The following ZNF45 variants were observed in gnomAD, a reference collection of about 807,000 sequenced individuals.
ZNF45 encodes the protein BRC1744.
ZNF45 carries 4 observed loss-of-function variants against 12.0 expected under a neutral mutation model. The ratio of observed to expected loss-of-function variants is 0.33; its 90% CI spans 0.16 to 0.76. The LOEUF is 0.76. ZNF45 is among the 30% of genes least tolerant of loss of function. The probability of loss-of-function intolerance (pLI) is 0.60; values close to 1 mark genes in which losing one functional copy is unlikely to be tolerated. For synonymous variants in ZNF45, 272 were observed against 279.6 expected, an observed-to-expected ratio of 0.97 and a Z score of 0.27; for missense variants, 700 against 813.0, an observed-to-expected ratio of 0.86 and a Z score of 1.69.
chr19:43,915,033 G>A lies in ZNF45; in HGVS notation c.403C>T (p.Arg135Ter), dbSNP rs1301515908. The change falls in exon 10 of 10, where the codon CGA (arginine) becomes TGA (stop). Residue 135 changes from arginine (R) to a stop codon, truncating the protein, a stop_gained. Coordinates refer to ENST00000269973, the MANE Select transcript of ZNF45 (RefSeq NM_003425.4). LOFTEE classifies it low-confidence loss of function (END_TRUNC). ...IQRTGCQLEK[R>*]DDLHYKDEGF... ...TCATCTTTATAGTGCAAATCATCTCGTTTTTCCAACTGGCAGCCTGTTCTT... is the reference window on the plus strand; with the variant it reads ...TCATCTTTATAGTGCAAATCATCTCATTTTTCCAACTGGCAGCCTGTTCTT... 1.9e-6 allele frequency: 3 copies of A among 1,610,666 alleles called. No homozygotes were observed. The highest frequency in any genetic ancestry group is 8.5e-7 in the Non-Finnish European group (1 of 1,178,508).
chr19:43,933,286 T>C (rs1239282969), intron 2 of ZNF45, among the ~76,000 whole-genome samples: 2 of 152,046 alleles, frequency 1.3e-5, no homozygotes, highest in African/African-American at 2.4e-5. Context: ...CTGGCCAACA[T>C]GGAGAAACCC....
intron 9 of ZNF45, among the ~76,000 whole-genome samples, chr19:43,917,698 C>T (rs1455249719): frequency 6.6e-6 from 1 of 152,114 alleles, no homozygotes; most frequent in Non-Finnish European, 1.5e-5. Flanking sequence ...GTTGGCCAGG[C>T]TGGTCTGGAA....
intron 6 of ZNF45, among the ~76,000 whole-genome samples, chr19:43,922,818 TTG>T (rs1973301185): frequency 3.3e-5 from 4 of 120,820 alleles, no homozygotes; most frequent in South Asian, 5.6e-4. Flanking sequence ...AATAAATTCT[TTG>T]TTTTTTTTTT....
At chr19:43,923,326 G>GT (rs1973367037) in intron 6 of ZNF45, among the ~76,000 whole-genome samples, 2 of 152,092 alleles carry the variant, frequency 1.3e-5, no homozygotes, top group South Asian at 4.1e-4. Flanking sequence ...CCAAAAATAG[G>GT]TGAGTACAGT....
Position 43,914,360 on chromosome 19 carries a change from G to A in ZNF45, c.1076C>T (p.Pro359Leu), listed in dbSNP as rs751637970. 8.7e-6 allele frequency: 14 copies of A among 1,612,984 alleles called. No homozygotes were observed. The Admixed American group carries it at 2.3e-4, about 27-fold the overall frequency. Residue 359 changes from proline (P) to leucine (L), a missense_variant, in exon 10 of 10, where the codon CCC becomes CTC. Coordinates refer to ENST00000269973, the MANE Select transcript of ZNF45 (RefSeq NM_003425.4). ...TTTCCCACACTCCTCACACTTATAG[G>A]GTTTCTCTCCTGTGTGGATTCTACA... ...IHCRIHTGEK[P>L]YKCEECGKGF...
chr19:43,921,294 T>C (rs545730061), intron 7 of ZNF45, among the ~76,000 whole-genome samples: 4 of 152,348 alleles, frequency 2.6e-5, no homozygotes, highest in South Asian at 2.1e-4. Context: ...GTTTGAGGAA[T>C]AAATACAGTA....
intron 6 of ZNF45, among the ~76,000 whole-genome samples, chr19:43,923,097 A>G (rs962726080): frequency 1.3e-5 from 2 of 152,178 alleles, no homozygotes; most frequent in African/African-American, 4.8e-5. Flanking sequence ...AAGTGCTGGG[A>G]TTACAGGTGT....
At position 43,934,648 on chromosome 19, in the gene ZNF45, CTT is replaced by C. The variant is rs1974374684; in HGVS notation, c.-711_-710del. The C allele has an allele frequency of 6.6e-6, 1 of 152,166 alleles. No homozygotes were observed. The highest frequency in any genetic ancestry group is 2.1e-4 in the South Asian group (1 of 4,832). The allele number at this position is 152,166 out of a possible 1,614,324, so 9.4% of individuals were successfully genotyped here. On this transcript the variant is annotated 5_prime_UTR_variant, in exon 2 of 10. An upstream open reading frame in the 5' UTR gains an earlier in-frame stop. Coordinates refer to ENST00000269973, the MANE Select transcript of ZNF45 (RefSeq NM_003425.4). ...GACGCCACCTGTTGAGTGATGCACT[CTT>C]TCTTAAAAAACGGGTCAGGCATAGT...
Position 43,914,470 on chromosome 19 carries a change from A to G in ZNF45, c.966T>C (p.His322=), listed in dbSNP as rs527676262. 6.2e-7 allele frequency: 1 copy of G among 1,613,028 alleles called. No homozygotes were observed. Among genetic ancestry groups the G allele is most frequent in the African/African-American group, 1.3e-5 (1 of 75,020 alleles). The part of the protein sequence containing the change: ...SFSWRSRLQA[H]ERIHTGEKPY... Reference sequence around the variant, plus strand: ...GTTTCTCGCCAGTGTGGATTCGCTCATGAGCCTGCAGTCGTGAACGCCAAC... The same window carrying G: ...GTTTCTCGCCAGTGTGGATTCGCTCGTGAGCCTGCAGTCGTGAACGCCAAC... The change falls in exon 10 of 10, where the codon CAT becomes CAC. Residue 322 remains histidine, a synonymous_variant. Transcript: ENST00000269973.
rs1430824112 is a variant in ZNF45 at position 43,913,957 on chromosome 19, G to T, written c.1479C>A (p.Ile493=). ...RSSDLNVHCR[I]HTGEKPYKCE... is the part of the protein sequence containing the mutation. ...ATTTATAGGGTTTCTCTCCTGTGTGGATTCTACAGTGTACATTAAGATCTG... is the reference window on the plus strand; with the variant it reads ...ATTTATAGGGTTTCTCTCCTGTGTGTATTCTACAGTGTACATTAAGATCTG... Residue 493 remains isoleucine (I), a synonymous_variant, in exon 10 of 10, where the codon ATC becomes ATA. Transcript: ENST00000269973. 6.2e-7 allele frequency: 1 copy of T among 1,602,964 alleles called. No individual in the cohort carries two copies. Among genetic ancestry groups the T allele is most frequent in the Admixed American group, 1.7e-5 (1 of 59,204 alleles).
chr19:43,931,249 T>C (rs1357337706), intron 3 of ZNF45: 2 of 152,134 alleles, frequency 1.3e-5, no homozygotes, highest in Non-Finnish European at 2.9e-5. Flanking sequence ...AAATATACCT[T>C]TGAGGCTGGG....
At chr19:43,925,112 G>A (rs1416056928) in intron 4 of ZNF45, 1 of 152,210 alleles carries the variant, frequency 6.6e-6, no homozygotes, top group African/African-American at 2.4e-5. Flanking sequence ...AGAAAAGCAA[G>A]TAACCTAGCT....
At chr19:43,934,224 C>T (rs1974349571) in intron 2 of ZNF45, among the ~76,000 whole-genome samples, 1 of 152,120 alleles carries the variant, frequency 6.6e-6, no homozygotes, top group Admixed American at 6.5e-5. Context: ...TATCACAATA[C>T]CCACATCACC....
chr19:43,917,255 T>C (rs1399092995), intron 9 of ZNF45, among the ~76,000 whole-genome samples: 1 of 152,176 alleles, frequency 6.6e-6, no homozygotes, highest in South Asian at 2.1e-4. Flanking sequence ...ATGTGAATGT[T>C]TGTATTTATG....
chr19:43,921,066 G>C (rs1389353814), intron 7 of ZNF45, among the ~76,000 whole-genome samples: 1 of 152,112 alleles, frequency 6.6e-6, no homozygotes, highest in African/African-American at 2.4e-5. Context: ...CACTAACCAG[G>C]ACAAGCTAGG....
intron 3 of ZNF45, among the ~76,000 whole-genome samples, chr19:43,931,033 T>C (rs1246919203): frequency 1.3e-5 from 2 of 152,016 alleles, no homozygotes; most frequent in Admixed American, 6.6e-5. Context: ...GGCTACACTA[T>C]TGGATAGTGC....
chr19:43,914,510 C>T lies in ZNF45; in HGVS notation c.926G>A (p.Cys309Tyr). 1 of 1,613,176 alleles carries T rather than the reference C, an allele frequency of 6.2e-7. No individual in the cohort carries two copies. The change falls in exon 10 of 10, where the codon TGT (cysteine) becomes TAT (tyrosine). Residue 309 changes from cysteine (C) to tyrosine (Y), a missense_variant. Transcript: ENST00000269973. ...TGKKPYKCEE[C>Y]GKSFSWRSRL... ...TGAACGCCAACTGAAGCTCTTCCCACACTCTTCACACTTATATGGTTTCTT... is the reference window on the plus strand; with the variant it reads ...TGAACGCCAACTGAAGCTCTTCCCATACTCTTCACACTTATATGGTTTCTT...
intron 4 of ZNF45, among the ~76,000 whole-genome samples, chr19:43,924,886 CA>C (rs1303152466): frequency 1.8e-5 from 2 of 113,270 alleles, no homozygotes; most frequent in Non-Finnish European, 2.0e-5. Context: ...CAGTTTCTGG[CA>C]GCTTAAACAA....
In ZNF45 at chr19:43,914,422, G is replaced by A; in HGVS notation, c.1014C>T (p.Gly338=). 1 of 1,608,714 alleles carries A rather than the reference G, an allele frequency of 6.2e-7. No homozygotes were observed. The highest frequency in any genetic ancestry group is 1.3e-5 in the African/African-American group (1 of 74,826). ...GEKPYKCNAC[G]KSFSYSSHLN... The stretch of plus-strand genomic sequence containing the variant: ...GGTGTGAGCTGTAACTAAAGCTCTT[G>A]CCACATGCATTGCATTTGTATGGTT... Residue 338 remains glycine, a synonymous_variant, in exon 10 of 10, where the codon GGC becomes GGT. Transcript: ENST00000269973.
Sources: gnomAD v4.1 joint callset for allele counts (sites outside exome capture counted in the v4.1 genomes callset) on GRCh38, gnomAD v4.1.1 for gene constraint, MANE v1.5 for transcripts, NCBI Gene and HGNC (gene_info 2026-07-23, HGNC 2026-07-21) for gene names.